AAAS: variants seen among roughly 807,000 people sequenced by gnomAD.
AAAS encodes the protein aladin WD repeat nucleoporin, also known as aladin.
In AAAS, 60 loss-of-function variants were observed where a neutral mutation model predicts 75.6. The observed-to-expected ratio is 0.79, with a 90% confidence interval of 0.64 to 0.98. The LOEUF is 0.98. Among genes scored for constraint, AAAS ranks in the 50% least tolerant of loss-of-function variants. The pLI is 0.00. For synonymous variants in AAAS, 271 were observed against 265.0 expected, an observed-to-expected ratio of 1.02 and a Z score of -0.22; for missense variants, 658 against 686.9, an observed-to-expected ratio of 0.96 and a Z score of 0.47.
At chr12:53,316,000 G>A (rs1944456329) in intron 2 of AAAS, among the ~76,000 whole-genome samples, 1 of 152,206 alleles carries the variant, frequency 6.6e-6, no homozygotes, top group East Asian at 1.9e-4. Flanking sequence ...CCAAGGCTCA[G>A]AGGACTTTTG....
chr12:53,314,877 C>G (rs1317376667), intron 5 of AAAS, 28 bp from the exon 6 acceptor site: 1 of 1,597,864 alleles, frequency 6.3e-7, no homozygotes, highest in Non-Finnish European at 8.6e-7. Flanking sequence ...ATGAAGAGTT[C>G]CTGCACCTAT....
intron 6 of AAAS, 59 bp downstream of exon 6, chr12:53,314,692 G>A: frequency 1.3e-6 from 2 of 1,550,296 alleles, no homozygotes; most frequent in Non-Finnish European, 1.8e-6. Context: ...CCGGAACCAA[G>A]GCTGGCAAGG....
chr12:53,309,806 C>T (rs1010077866), intron 7 of AAAS, 85 bp from the exon 8 acceptor site: 43 of 1,566,048 alleles, frequency 2.7e-5, no homozygotes, highest in Non-Finnish European at 3.5e-5. Flanking sequence ...CTGCTAAAAC[C>T]TCCTATCCTG....
Position 53,314,939 on chromosome 12 carries a change from T to G in AAAS, c.447-90A>C, listed in dbSNP as rs185918820. 56 of 1,493,588 alleles carry G rather than the reference T, an allele frequency of 3.7e-5. No homozygotes were observed. In the East Asian group the frequency reaches 1.2e-3, roughly 33 times the overall value. 92.5% of individuals were successfully genotyped at this position (1,493,588 alleles called of 1,614,324 possible). ...TCATTTCCAGTAAGGACATGGTTTT[T>G]TCCTACTTTTTCTTGTATTCTTTTT... On this transcript the variant is annotated intron_variant, in intron 5 of 15. Coordinates refer to ENST00000209873, the MANE Select transcript of AAAS (RefSeq NM_015665.6).
chr12:53,315,842 G>C (rs1000497071), intron 2 of AAAS, 60 bp from the exon 3 acceptor site: 1 of 1,568,834 alleles, frequency 6.4e-7, no homozygotes, highest in African/African-American at 1.3e-5. Flanking sequence ...CTCTCTACCA[G>C]TTTCATTCAT....
chr12:53,309,894 G>A, intron 7 of AAAS, 173 bp from the exon 8 acceptor site: 1 of 1,025,354 alleles, frequency 9.8e-7, no homozygotes, highest in Non-Finnish European at 1.4e-6. Context: ...AAACAGCGAA[G>A]GGGAAAAACG....
At chr12:53,316,403 C>T (rs569361839) in intron 2 of AAAS, among the ~76,000 whole-genome samples, 37 of 150,156 alleles carry the variant, frequency 2.5e-4, no homozygotes, top group African/African-American at 8.8e-4. Context: ...TGCAGTAAGC[C>T]GAGATTGTGC....
chr12:53,315,579 C>T, intron 3 of AAAS, 148 bp downstream of exon 3: 3 of 1,226,436 alleles, frequency 2.4e-6, no homozygotes, highest in Non-Finnish European at 3.5e-6. Context: ...ACTCTGGACA[C>T]CCACTCTGGG....
At chr12:53,318,454 A>ACACCC (rs1211965718) in intron 2 of AAAS, among the ~76,000 whole-genome samples, 11 of 152,124 alleles carry the variant, frequency 7.2e-5, no homozygotes, top group African/African-American at 2.7e-4. Context: ...CTCAAGTGAT[A>ACACCC]CACCCGCCTT....
At position 53,309,011 on chromosome 12, in the gene AAAS, C is replaced by T; in HGVS notation, c.945G>A (p.Glu315=). ...TTPSAVFRVW[E]AQMWTCERWP... ...ACCTCTCACAAGTCCACATCTGGGC[C>T]TCCCAGACTCTGAGCCAGAGAAAAG... Residue 315 remains glutamate, a synonymous_variant, in exon 10 of 16, where the codon GAG becomes GAA. Transcript: ENST00000209873. 1 of 1,614,196 alleles carries T rather than the reference C, an allele frequency of 6.2e-7. No homozygotes were observed. The highest frequency in any genetic ancestry group is 1.1e-5 in the South Asian group (1 of 91,092).
chr12:53,320,180 T>C (rs1171774355), intron 2 of AAAS, among the ~76,000 whole-genome samples: 1 of 151,946 alleles, frequency 6.6e-6, no homozygotes, highest in African/African-American at 2.4e-5. Context: ...GCAAAGTGGA[T>C]GACCTATGTA....
chr12:53,309,554 A>G (rs1285754234), intron 8 of AAAS, 47 bp downstream of exon 8: 1 of 1,612,854 alleles, frequency 6.2e-7, no homozygotes, highest in South Asian at 1.1e-5. Flanking sequence ...AGTGAGGAAC[A>G]CTTTTGCCAG....
At chr12:53,310,558 C>CAAAAA (rs939524283) in intron 7 of AAAS, among the ~76,000 whole-genome samples, 1 of 76,428 alleles carries the variant, frequency 1.3e-5, no homozygotes, top group Non-Finnish European at 2.7e-5. Context: ...GACTCCGTCT[C>CAAAAA]AAAAAAAAAA....
chr12:53,320,818 C>T (rs1355733351), intron 1 of AAAS, 126 bp from the exon 2 acceptor site: 1 of 1,105,210 alleles, frequency 9.0e-7, no homozygotes, highest in Non-Finnish European at 1.3e-6. Flanking sequence ...CCCATTTCCA[C>T]AAAGCTAACA....
intron 1 of AAAS, 23 bp from the exon 2 acceptor site, chr12:53,320,715 G>A: frequency 6.2e-7 from 1 of 1,613,196 alleles, no homozygotes; most frequent in Non-Finnish European, 8.5e-7. Flanking sequence ...AGTGAGGAGT[G>A]TGACGGTGAT....
At chr12:53,315,036 A>C in intron 5 of AAAS, 58 bp downstream of exon 5, 1 of 1,590,604 alleles carries the variant, frequency 6.3e-7, no homozygotes, top group Non-Finnish European at 8.6e-7. Flanking sequence ...TTCTCCCCAA[A>C]GGGAGTTTTG....
chr12:53,315,260 G>T, intron 4 of AAAS, 75 bp downstream of exon 4: 2 of 1,594,898 alleles, frequency 1.3e-6, no homozygotes. Flanking sequence ...ACCCTGACCT[G>T]CAAGGATAGG....
Position 53,309,266 on chromosome 12 carries a change from T to A in AAAS, c.826A>T (p.Thr276Ser). The A allele has an allele frequency of 3.7e-6, 6 of 1,613,988 alleles. No individual in the cohort carries two copies. The highest frequency in any genetic ancestry group is 5.1e-6 in the Non-Finnish European group (6 of 1,180,022). ...CAGGGAAGGGGGACACAGGTCTCTG[T>A]TGAGACATCCCATACCTAGGAGAGT... is the stretch of plus-strand genomic sequence containing the variant. Reference protein sequence around the residue: ...DAAIRVWDVSTETCVPLPWFR... With the variant: ...DAAIRVWDVSSETCVPLPWFR... Residue 276 changes from threonine (T) to serine (S), a missense_variant, in exon 9 of 16, where the codon ACA (threonine) becomes TCA (serine). Physicochemically the swap from Thr to Ser is moderately conservative, Grantham distance 58 (BLOSUM62 1). Transcript: ENST00000209873.
At chr12:53,308,845 GGTATGT>G in intron 10 of AAAS, 30 bp from the exon 11 acceptor site, 1 of 1,613,678 alleles carries the variant, frequency 6.2e-7, no homozygotes, top group Non-Finnish European at 8.5e-7. Context: ...GGCAGGAGAA[GGTATGT>G]CTATAGTAGA....
Sources: gnomAD v4.1 joint callset for allele counts (sites outside exome capture counted in the v4.1 genomes callset) on GRCh38, gnomAD v4.1.1 for gene constraint, MANE v1.5 for transcripts, NCBI Gene and HGNC (gene_info 2026-07-23, HGNC 2026-07-21) for gene names.